PXK: variants seen among roughly 807,000 people sequenced by gnomAD.
PXK encodes PX domain containing serine/threonine kinase like, also known as PX domain-containing protein kinase-like protein.
Under a neutral mutation model 84.7 loss-of-function variants are expected in PXK, and 35 were observed. The observed-to-expected ratio is 0.41, with a 90% CI of 0.32 to 0.55. The LOEUF (loss-of-function observed/expected upper bound fraction) is 0.55. PXK is among the 20% of genes least tolerant of loss of function. The pLI, the probability that PXK is intolerant of heterozygous loss-of-function variation, is 0.21. For synonymous variants in PXK, 253 were observed against 260.8 expected, an observed-to-expected ratio of 0.97 and a Z score of 0.29; for missense variants, 634 against 699.7, an observed-to-expected ratio of 0.91 and a Z score of 1.06.
chr3:58,344,743 G>T (rs867460165), intron 1 of PXK, among the ~76,000 whole-genome samples: 1 of 152,186 alleles, frequency 6.6e-6, no homozygotes, highest in South Asian at 2.1e-4. Context: ...CAGGAGAATC[G>T]CTTGAACCTT....
At chr3:58,375,600 G>A (rs930224902) in intron 3 of PXK, among the ~76,000 whole-genome samples, 1 of 152,178 alleles carries the variant, frequency 6.6e-6, no homozygotes, top group Non-Finnish European at 1.5e-5. Context: ...CTGTGTGAAT[G>A]GAGTTTGCAC....
intron 17 of PXK, among the ~76,000 whole-genome samples, chr3:58,419,904 T>C (rs1161073297): frequency 2.2e-5 from 3 of 136,308 alleles, no homozygotes; most frequent in African/African-American, 7.7e-5. Flanking sequence ...AACGGCTTTA[T>C]GGCCTTAAGT....
rs769984815 is a variant in PXK at position 58,397,661 on chromosome 3, T to C, written c.1041T>C (p.Tyr347=). The C allele has an allele frequency of 5.6e-6, 9 of 1,614,074 alleles. No homozygotes were observed. The highest frequency in any genetic ancestry group is 2.2e-5 in the East Asian group (1 of 44,892). The change falls in exon 11 of 18, where the codon TAT becomes TAC. Residue 347 remains tyrosine, a synonymous_variant. Coordinates refer to ENST00000356151, the MANE Select transcript of PXK (RefSeq NM_017771.5). The surrounding 1 kb of genome is among the most constrained non-coding windows in gnomAD (Gnocchi z 4.7). The stretch of plus-strand genomic sequence containing the variant: ...GCCACTTACTGTATGAAATGACTTA[T>C]GGACGACCGCCAGACTCGGTGCCTG... ...CFGHLLYEMT[Y]GRPPDSVPVD... is the part of the protein sequence containing the mutation.
At chr3:58,374,232 C>A (rs528436972) in intron 3 of PXK, among the ~76,000 whole-genome samples, 1 of 149,094 alleles carries the variant, frequency 6.7e-6, no homozygotes, top group Non-Finnish European at 1.5e-5. Context: ...TGCAGTGAGC[C>A]GAGATCGTGC....
chr3:58,334,959 CTG>C (rs1160895291), intron 1 of PXK, among the ~76,000 whole-genome samples: 1,521 of 125,584 alleles, frequency 0.012, 23 homozygotes, highest in African/African-American at 0.032. Context: ...GTGTGTGTGT[CTG>C]TGTGTGTGTG....
In PXK at chr3:58,392,138, T is replaced by G. The variant is rs567706639; in HGVS notation, c.615+291T>G. Among the ~76,000 whole-genome samples the G allele has an allele frequency of 1.3e-4, 20 of 152,336 alleles. No homozygotes were observed. In the South Asian group the frequency reaches 4.1e-3, roughly 32 times the overall value. ...CCCAGCCTGTTGTTCTTGGTGAAGG[T>G]ATTTATCTCAGTGGAACTGAAAGAT... On this transcript the variant is annotated intron_variant, in intron 7 of 17. Transcript: ENST00000356151.
Position 58,409,061 on chromosome 3 carries a change from A to G in PXK, c.1308+60A>G. 1.6e-6 allele frequency: 2 copies of G among 1,283,150 alleles called. No individual in the cohort carries two copies. Among genetic ancestry groups the G allele is most frequent in the South Asian group, 1.2e-5 (1 of 81,220 alleles). 79.5% of individuals were successfully genotyped at this position (1,283,150 alleles called of 1,614,324 possible). A position where few individuals can be genotyped will look rare whatever the true frequency, so the allele number is the denominator to read the frequency against. ...GTCCCCATCCTCTGCCGTGGTTTTT[A>G]TAGTGATTGACCTTTGACTGTTCCC... On this transcript the variant is annotated intron_variant, in intron 14 of 17. Coordinates refer to ENST00000356151, the MANE Select transcript of PXK (RefSeq NM_017771.5). This position sits in a 1 kb window ranked among gnomAD's most constrained non-coding sequence, Gnocchi z 4.2.
rs764329231 is a variant in PXK, at chr3:58,425,460, G to A, written c.*500G>A. The A allele has an allele frequency of 6.4e-6, 1 of 155,192 alleles. No individual in the cohort carries two copies. The highest frequency in any genetic ancestry group is 1.4e-5 in the Non-Finnish European group (1 of 70,148). 9.6% of individuals were successfully genotyped at this position (155,192 alleles called of 1,614,324 possible). Reference sequence around the variant, plus strand: ...CATTAACACTATAGCCCAAAGCATAGTTACTTTGCTAAATCAGAAAGCAAC... The same window carrying A: ...CATTAACACTATAGCCCAAAGCATAATTACTTTGCTAAATCAGAAAGCAAC... On this transcript the variant is annotated 3_prime_UTR_variant, in exon 18 of 18. Transcript: ENST00000356151.
chr3:58,342,660 A>AAG (rs2097759134), intron 1 of PXK, among the ~76,000 whole-genome samples: 1 of 151,524 alleles, frequency 6.6e-6, no homozygotes, highest in African/African-American at 2.4e-5. Flanking sequence ...AAGAAAAGAA[A>AAG]AAAAGAAAGA....
Position 58,334,733 on chromosome 3 carries a change from T to C in PXK, c.102+1643T>C, listed in dbSNP as rs76942565. Among the ~76,000 whole-genome samples, 109 of 152,322 alleles carry C rather than the reference T, an allele frequency of 7.2e-4. 4 individuals are homozygous for C. The East Asian group carries it at 0.018, about 26-fold the overall frequency. On this transcript the variant is annotated intron_variant, in intron 1 of 17. Coordinates refer to ENST00000356151, the MANE Select transcript of PXK (RefSeq NM_017771.5). ...GAGGAGGGGCACTTCTTCCTCACTT[T>C]TGAGTCTCATTCCCTGGTTTTTGAT...
At chr3:58,402,452 T>TA (rs2058732758) in intron 12 of PXK, among the ~76,000 whole-genome samples, 1 of 150,816 alleles carries the variant, frequency 6.6e-6, no homozygotes, top group Admixed American at 6.6e-5. Flanking sequence ...TTTTTTTAGA[T>TA]AGAGTCTTGC....
At chr3:58,336,235 A>T (rs556738158) in intron 1 of PXK, among the ~76,000 whole-genome samples, 2 of 151,494 alleles carry the variant, frequency 1.3e-5, no homozygotes, top group African/African-American at 4.8e-5. Flanking sequence ...AACAGAAATG[A>T]TTTAGGATTT....
chr3:58,420,462 T>C, intron 17 of PXK: 2 of 1,493,260 alleles, frequency 1.3e-6, no homozygotes, highest in Non-Finnish European at 9.0e-7. Context: ...TCTGTTACTA[T>C]TTGATTAAAT....
rs1223574293 is a variant in PXK at position 58,425,909 on chromosome 3, TA to T, written c.*954del. 6.6e-6 allele frequency: 1 copy of T among 152,254 alleles called. No individual in the cohort carries two copies. Among genetic ancestry groups the T allele is most frequent in the Non-Finnish European group, 1.5e-5 (1 of 68,048 alleles). 9.4% of individuals were successfully genotyped at this position (152,254 alleles called of 1,614,324 possible). On this transcript the variant is annotated 3_prime_UTR_variant, in exon 18 of 18. Coordinates refer to ENST00000356151, the MANE Select transcript of PXK (RefSeq NM_017771.5). The stretch of plus-strand genomic sequence containing the variant: ...TTTAAAGGATTATAAATAATCCATT[TA>T]AAAATTCAAGTACACACATCAGTGT...
intron 1 of PXK, among the ~76,000 whole-genome samples, chr3:58,336,162 C>T (rs2097605010): frequency 6.7e-6 from 1 of 149,274 alleles, no homozygotes; most frequent in South Asian, 2.1e-4. Context: ...CCTCCCACCT[C>T]AGCCTCCCAA....
rs962169751 is a variant in PXK, at chr3:58,399,544, G to A, written c.1181+167G>A. Among the ~76,000 whole-genome samples the A allele has an allele frequency of 1.3e-5, 2 of 152,162 alleles. No individual in the cohort carries two copies. Among genetic ancestry groups the A allele is most frequent in the African/African-American group, 4.8e-5 (2 of 41,422 alleles). ...AGCATGATATCCTCACCCTTTGTTT[G>A]TGACCTCTGTGCTCTCCTGGTCTGA... On this transcript the variant is annotated intron_variant, in intron 12 of 17. Transcript: ENST00000356151. The surrounding 1 kb of genome is among the most constrained non-coding windows in gnomAD (Gnocchi z 4.3).
At chr3:58,422,713 T>C in intron 17 of PXK, 1 of 985,368 alleles carries the variant, frequency 1.0e-6, no homozygotes, top group South Asian at 4.7e-5. Context: ...GCAGTTTTGT[T>C]CTGTGCCAAG....
rs1190008016 is a variant in PXK at position 58,389,980 on chromosome 3, CAA to C, written c.389-601_389-600del. ...CACCATTGCACTCCAACCTGGGTAA[CAA>C]GAGTGAAACTCCGTCTCAAAAAAAA... On this transcript the variant is annotated intron_variant, in intron 4 of 17. Transcript: ENST00000356151. Among the ~76,000 whole-genome samples, 6 of 73,518 alleles carry C rather than the reference CAA, an allele frequency of 8.2e-5. No individual in the cohort carries two copies. In the South Asian group the frequency reaches 1.5e-3, roughly 18 times the overall value. 48.2% of individuals were successfully genotyped at this position (73,518 alleles called of 152,430 possible). A position where few individuals can be genotyped will look rare whatever the true frequency, so the allele number is the denominator to read the frequency against.
intron 1 of PXK, among the ~76,000 whole-genome samples, chr3:58,350,257 C>G (rs1345907455): frequency 2.6e-5 from 4 of 152,116 alleles, no homozygotes; most frequent in African/African-American, 4.8e-5. Context: ...TTGTACATAA[C>G]TTCTAGGTGG....
Sources: gnomAD v4.1 joint callset for allele counts (sites outside exome capture counted in the v4.1 genomes callset) on GRCh38, gnomAD v4.1.1 for gene constraint, Gnocchi (gnomAD v3.1) non-coding constraint, MANE v1.5 for transcripts, NCBI Gene and HGNC (gene_info 2026-07-23, HGNC 2026-07-21) for gene names.